The following SLC41A2 variants were observed in gnomAD, a reference collection of about 807,000 sequenced individuals.
SLC41A2 encodes the protein SLC41A1-like 1.
A neutral mutation model predicts 58.3 loss-of-function variants in SLC41A2; 32 were observed. That is an observed-to-expected ratio of 0.55 (90% CI 0.41 to 0.74). The LOEUF (loss-of-function observed/expected upper bound fraction) is 0.74. Ranked by LOEUF, SLC41A2 falls within the 30% of genes least tolerant of loss-of-function variation. The pLI is 0.00. For synonymous variants in SLC41A2, 190 were observed against 235.0 expected, an observed-to-expected ratio of 0.81 and a Z score of 1.75; for missense variants, 514 against 680.6, an observed-to-expected ratio of 0.76 and a Z score of 2.72.
intron 6 of SLC41A2, among the ~76,000 whole-genome samples, chr12:104,884,138 C>G (rs910663353): frequency 3.3e-5 from 5 of 152,218 alleles, no homozygotes; most frequent in African/African-American, 1.2e-4. Context: ...GGGTGTGGGA[C>G]CCACCAAGCC....
At chr12:104,929,039 G>A (rs2046957548) in intron 1 of SLC41A2, among the ~76,000 whole-genome samples, 1 of 152,106 alleles carries the variant, frequency 6.6e-6, no homozygotes, top group Non-Finnish European at 1.5e-5. Flanking sequence ...TATTACTATT[G>A]CAAGGACTCA....
chr12:104,866,565 T>C lies in SLC41A2; in HGVS notation c.1042A>G (p.Ile348Val). The stretch of plus-strand genomic sequence containing the variant: ...AAAAATACACCAACTAATGGAGAAA[T>C]GTAGTAATAGGTCTCTAAAATTAAA... The part of the protein sequence containing the change: ...LYSCLETYYY[I>V]SPLVGVFFLA... Residue 348 changes from isoleucine to valine, a missense_variant, in exon 7 of 11, where the codon ATT becomes GTT. Coordinates refer to ENST00000258538, the MANE Select transcript of SLC41A2 (RefSeq NM_001352171.3). 1 of 1,570,526 alleles carries C rather than the reference T, an allele frequency of 6.4e-7. No homozygotes were observed. Among genetic ancestry groups the C allele is most frequent in the Non-Finnish European group, 8.6e-7 (1 of 1,160,788 alleles).
At chr12:104,814,209 G>C (rs1023353807) in intron 10 of SLC41A2, among the ~76,000 whole-genome samples, 1 of 152,076 alleles carries the variant, frequency 6.6e-6, no homozygotes, top group African/African-American at 2.4e-5. Context: ...TTTGAGACCA[G>C]CTTGGGCAAC....
chr12:104,926,680 G>A (rs538814025), intron 2 of SLC41A2, among the ~76,000 whole-genome samples: 4 of 151,732 alleles, frequency 2.6e-5, no homozygotes, highest in African/African-American at 7.2e-5. Flanking sequence ...ATAATTCACA[G>A]AAAAAGAATG....
intron 6 of SLC41A2, among the ~76,000 whole-genome samples, chr12:104,866,886 C>T (rs1026980314): frequency 6.6e-6 from 1 of 152,054 alleles, no homozygotes; most frequent in Non-Finnish European, 1.5e-5. Flanking sequence ...ATTTATTGGG[C>T]TCCTACTATA....
At chr12:104,841,212 T>G (rs796396568) in intron 10 of SLC41A2, among the ~76,000 whole-genome samples, 42 of 152,290 alleles carry the variant, frequency 2.8e-4, no homozygotes, top group African/African-American at 9.4e-4. Flanking sequence ...AACTGATCAC[T>G]GTTAGAAGTT....
At chr12:104,950,089 G>A (rs184290372) in intron 1 of SLC41A2, among the ~76,000 whole-genome samples, 3 of 152,288 alleles carry the variant, frequency 2.0e-5, no homozygotes, top group Admixed American at 6.5e-5. Flanking sequence ...TGACTATGGG[G>A]CTTAGGACTT....
chr12:104,947,016 A>G (rs190101138), intron 1 of SLC41A2, among the ~76,000 whole-genome samples: 172 of 152,218 alleles, frequency 1.1e-3, no homozygotes, highest in Middle Eastern at 6.8e-3. Context: ...GCTTAGAACA[A>G]ACTTCAATAA....
chr12:104,901,223 G>T (rs549623631), intron 3 of SLC41A2, among the ~76,000 whole-genome samples: 1 of 151,894 alleles, frequency 6.6e-6, no homozygotes, highest in South Asian at 2.1e-4. Flanking sequence ...TGTTTTTAGG[G>T]CAGTGAACAT....
intron 8 of SLC41A2, among the ~76,000 whole-genome samples, chr12:104,846,282 C>A (rs1033323912): frequency 2.6e-5 from 4 of 152,152 alleles, no homozygotes; most frequent in African/African-American, 9.7e-5. Context: ...ATGTTTATCA[C>A]CTTAATGACA....
At chr12:104,858,994 T>C (rs1472509614) in intron 8 of SLC41A2, among the ~76,000 whole-genome samples, 1 of 152,236 alleles carries the variant, frequency 6.6e-6, no homozygotes, top group Non-Finnish European at 1.5e-5. Context: ...TGTTGTTTAA[T>C]ATAGCTCTAA....
chr12:104,890,420 A>G (rs980843632), intron 4 of SLC41A2, among the ~76,000 whole-genome samples: 2 of 152,200 alleles, frequency 1.3e-5, no homozygotes, highest in African/African-American at 4.8e-5. Flanking sequence ...AAGCAGTAAA[A>G]TTAATTTATA....
At position 104,895,358 on chromosome 12, in the gene SLC41A2, A is replaced by C; in HGVS notation, c.664-13T>G. 1 of 1,595,616 alleles carries C rather than the reference A, an allele frequency of 6.3e-7. No homozygotes were observed. The highest frequency in any genetic ancestry group is 8.6e-7 in the Non-Finnish European group (1 of 1,163,954). On this transcript the variant is annotated splice_polypyrimidine_tract_variant and intron_variant, in intron 3 of 10. Coordinates refer to ENST00000258538, the MANE Select transcript of SLC41A2 (RefSeq NM_001352171.3). Reference sequence around the variant, plus strand: ...TCCCAATATTTACCTGTTAAAGTGGATATTTTCATGTATCACTGAAGAAAA... The same window carrying C: ...TCCCAATATTTACCTGTTAAAGTGGCTATTTTCATGTATCACTGAAGAAAA...
In SLC41A2 at chr12:104,805,121, T is replaced by C. The variant is rs375590110; in HGVS notation, c.*31A>G. ...AAGTGGTTGTCGTGTATTTTCTTCCTTGGTAACTTGAGAGCAGTTTGTAGA... is the reference window on the plus strand; with the variant it reads ...AAGTGGTTGTCGTGTATTTTCTTCCCTGGTAACTTGAGAGCAGTTTGTAGA... On this transcript the variant is annotated 3_prime_UTR_variant, in exon 11 of 11. Transcript: ENST00000258538. 11 of 1,540,998 alleles carry C rather than the reference T, an allele frequency of 7.1e-6. No individual in the cohort carries two copies. Among genetic ancestry groups the C allele is most frequent in the Non-Finnish European group, 9.6e-6 (11 of 1,141,290 alleles).
At chr12:104,806,031 A>G (rs1019180241) in intron 10 of SLC41A2, among the ~76,000 whole-genome samples, 3 of 152,114 alleles carry the variant, frequency 2.0e-5, no homozygotes, top group Non-Finnish European at 4.4e-5. Context: ...TGATCCACCT[A>G]GAGTAGGGGG....
intron 10 of SLC41A2, among the ~76,000 whole-genome samples, chr12:104,822,538 A>T (rs2041677094): frequency 6.6e-6 from 1 of 152,226 alleles, no homozygotes; most frequent in Non-Finnish European, 1.5e-5. Flanking sequence ...GAGTGTGGGG[A>T]TTGTGAGCAA....
chr12:104,861,230 C>T, intron 8 of SLC41A2, 61 bp downstream of exon 8: 1 of 1,266,978 alleles, frequency 7.9e-7, no homozygotes, highest in South Asian at 1.3e-5. Context: ...TCTAATAGTA[C>T]CTAAGACTAA....
intron 1 of SLC41A2, among the ~76,000 whole-genome samples, chr12:104,956,852 G>C (rs1227392344): frequency 3.3e-5 from 5 of 152,112 alleles, no homozygotes; most frequent in Non-Finnish European, 5.9e-5. Flanking sequence ...ACCACAAAGA[G>C]ATACCATTCC....
At chr12:104,957,887 G>A (rs1188556294) in intron 1 of SLC41A2, among the ~76,000 whole-genome samples, 1 of 152,062 alleles carries the variant, frequency 6.6e-6, no homozygotes, top group Non-Finnish European at 1.5e-5. Context: ...CAGGCGCGGG[G>A]GCCTGGGCTC....
Sources: allele counts gnomAD v4.1 joint callset (sites outside exome capture counted in the v4.1 genomes callset), GRCh38; gene constraint gnomAD v4.1.1; transcripts MANE v1.5; gene names NCBI Gene and HGNC (gene_info 2026-07-23, HGNC 2026-07-21).